FRMD6: variants seen among roughly 807,000 people sequenced by gnomAD.
FRMD6 encodes FERM domain-containing protein 6.
A neutral mutation model predicts 73.2 loss-of-function variants in FRMD6; 37 were observed. That is an observed-to-expected ratio of 0.51 (90% CI 0.39 to 0.66). The LOEUF (loss-of-function observed/expected upper bound fraction) is 0.66, where lower values mean the gene tolerates loss of function less well. FRMD6 is among the 30% of genes least tolerant of loss of function. The probability of loss-of-function intolerance (pLI) is 0.00; values close to 1 mark genes in which losing one functional copy is unlikely to be tolerated. For missense variants in FRMD6, 714 were observed against 780.5 expected, an observed-to-expected ratio of 0.91 and a Z score of 1.02; for synonymous variants, 273 against 282.2, an observed-to-expected ratio of 0.97 and a Z score of 0.33.
At chr14:51,440,129 T>C in the FRMD6 span, among the ~76,000 whole-genome samples, 209 of 152,314 alleles carry the variant, frequency 1.4e-3, 2 homozygotes, top group Middle Eastern at 3.4e-3. Flanking sequence ...CTATTTAGCA[T>C]GTGGATAAAG....
chr14:51,492,041 G>T (rs1265558439), intron 1 of FRMD6, among the ~76,000 whole-genome samples: 2 of 152,144 alleles, frequency 1.3e-5, no homozygotes, highest in African/African-American at 4.8e-5. Flanking sequence ...TTCTTTCCTT[G>T]CTGTTCAGGG....
At chr14:51,667,576 A>G (rs1893692913) in intron 1 of FRMD6, among the ~76,000 whole-genome samples, 1 of 152,190 alleles carries the variant, frequency 6.6e-6, no homozygotes, top group African/African-American at 2.4e-5. Context: ...GTTTAGTGAC[A>G]TACTGAAACA....
the FRMD6 span, among the ~76,000 whole-genome samples, chr14:51,428,008 G>A: frequency 6.6e-6 from 1 of 152,170 alleles, no homozygotes; most frequent in African/African-American, 2.4e-5. Flanking sequence ...TTTGTGGCAC[G>A]GGAATCGTTT....
intron 2 of FRMD6, among the ~76,000 whole-genome samples, chr14:51,690,964 CTGTT>C (rs1293529827): frequency 6.6e-6 from 1 of 152,166 alleles, no homozygotes; most frequent in Non-Finnish European, 1.5e-5. Flanking sequence ...GTAACCATCA[CTGTT>C]TGAGATATAA....
intron 1 of FRMD6, among the ~76,000 whole-genome samples, chr14:51,687,848 C>T (rs536779904): frequency 2.8e-4 from 43 of 152,068 alleles, no homozygotes; most frequent in African/African-American, 8.4e-4. Context: ...ATTACTTTTT[C>T]CCAATTCTCT....
chr14:51,510,357 T>A, intron 1 of FRMD6, among the ~76,000 whole-genome samples: 1 of 152,334 alleles, frequency 6.6e-6, no homozygotes, highest in Admixed American at 6.5e-5. Flanking sequence ...TACCAACTCA[T>A]CCACCTGAGT....
intron 2 of FRMD6, among the ~76,000 whole-genome samples, chr14:51,635,175 G>A (rs1331179752): frequency 6.6e-6 from 1 of 152,142 alleles, no homozygotes; most frequent in Non-Finnish European, 1.5e-5. Flanking sequence ...TTGAGGCCAG[G>A]AGTTTGAGAA....
intron 1 of FRMD6, among the ~76,000 whole-genome samples, chr14:51,564,096 ATTAC>A (rs1295852385): frequency 5.3e-5 from 8 of 152,090 alleles, no homozygotes; most frequent in Non-Finnish European, 1.0e-4. Flanking sequence ...CTTGTTCAAT[ATTAC>A]TTCACACCCC....
chr14:51,681,366 G>C (rs2140305188), intron 1 of FRMD6, among the ~76,000 whole-genome samples: 1 of 152,282 alleles, frequency 6.6e-6, no homozygotes, highest in East Asian at 1.9e-4. Context: ...ATGATATGAA[G>C]CCAGTTATGT....
At chr14:51,426,557 C>G in the FRMD6 span, among the ~76,000 whole-genome samples, 2 of 152,166 alleles carry the variant, frequency 1.3e-5, no homozygotes, top group Non-Finnish European at 2.9e-5. Flanking sequence ...ACTTTATTTA[C>G]TCAATGCCTA....
At chr14:51,406,339 G>GTT in the FRMD6 span, among the ~76,000 whole-genome samples, 41 of 150,918 alleles carry the variant, frequency 2.7e-4, no homozygotes, top group African/African-American at 9.7e-4. Context: ...AGAATTTTTA[G>GTT]TTTTTTTTTA....
intron 2 of FRMD6, among the ~76,000 whole-genome samples, chr14:51,625,902 G>A (rs1478551694): frequency 6.6e-6 from 1 of 152,176 alleles, no homozygotes; most frequent in Non-Finnish European, 1.5e-5. Context: ...ACGTGTTAGG[G>A]AGTTTTATTG....
At chr14:51,714,643 A>G (rs1196840123) in intron 9 of FRMD6, 2 of 152,228 alleles carry the variant, frequency 1.3e-5, no homozygotes, top group African/African-American at 2.4e-5. Context: ...GTTCTTTCCC[A>G]TCTCATACCT....
At chr14:51,644,500 G>A (rs1284601952) in intron 2 of FRMD6, among the ~76,000 whole-genome samples, 1 of 152,116 alleles carries the variant, frequency 6.6e-6, no homozygotes, top group African/African-American at 2.4e-5. Flanking sequence ...TGGGGCCATA[G>A]CAGTTAGAGA....
upstream of FRMD6, among the ~76,000 whole-genome samples, chr14:51,649,019 T>G (rs1386335222): frequency 6.6e-6 from 1 of 152,196 alleles, no homozygotes; most frequent in African/African-American, 2.4e-5. Context: ...AACTTTGAAT[T>G]ATTACCCACA....
chr14:51,588,738 G>A (rs145102586), intron 2 of FRMD6, among the ~76,000 whole-genome samples: 149 of 152,226 alleles, frequency 9.8e-4, no homozygotes, highest in African/African-American at 3.3e-3. Context: ...TAATTCTGGC[G>A]AACTTAAACT....
chr14:51,582,951 T>C (rs1354336818), intron 2 of FRMD6, among the ~76,000 whole-genome samples: 1 of 152,310 alleles, frequency 6.6e-6, no homozygotes, highest in East Asian at 1.9e-4. Context: ...AATAAGAATA[T>C]TTTATCCTTT....
intron 1 of FRMD6, among the ~76,000 whole-genome samples, chr14:51,653,699 G>A (rs1277052475): frequency 2.0e-5 from 3 of 152,132 alleles, no homozygotes; most frequent in Non-Finnish European, 4.4e-5. Context: ...AAACTTAACA[G>A]CACCACAGCA....
intron 10 of FRMD6, among the ~76,000 whole-genome samples, chr14:51,719,807 AC>A (rs925977501): frequency 6.6e-6 from 1 of 152,204 alleles, no homozygotes; most frequent in Non-Finnish European, 1.5e-5. Flanking sequence ...CACTTTAAAT[AC>A]CACTCTTCTT....
Sources: gnomAD v4.1 joint callset for allele counts (sites outside exome capture counted in the v4.1 genomes callset) on GRCh38, gnomAD v4.1.1 for gene constraint, MANE v1.5 for transcripts, NCBI Gene and HGNC (gene_info 2026-07-23, HGNC 2026-07-21) for gene names.